The following RBM20 variants were observed in gnomAD, a reference collection of about 807,000 sequenced individuals.
The protein encoded by RBM20 is RNA binding motif protein 20, also known as RNA-binding protein 20.
RBM20 carries 51 observed loss-of-function variants against 110.1 expected under a neutral mutation model. That is an observed-to-expected ratio of 0.46 (90% confidence interval 0.37 to 0.59). RBM20 has a LOEUF of 0.59. Ranked by LOEUF, RBM20 falls within the 20% of genes least tolerant of loss-of-function variation. RBM20 has a pLI of 0.00. For missense variants in RBM20, 1,512 were observed against 1,574.9 expected (o/e 0.96, Z 0.68); for synonymous variants, 589 against 618.2 (o/e 0.95, Z 0.70).
intron 1 of RBM20, among the ~76,000 whole-genome samples, chr10:110,660,422 C>G (rs1042198308): frequency 6.6e-6 from 1 of 152,180 alleles, no homozygotes; most frequent in African/African-American, 2.4e-5. Flanking sequence ...TCCCCAACCC[C>G]CAGGCCATGG....
chr10:110,831,381 A>G (rs1590707360), intron 13 of RBM20, 199 bp downstream of exon 13: 3 of 510,350 alleles, frequency 5.9e-6, no homozygotes, highest in African/African-American at 1.9e-5. Context: ...CTTCCACTAC[A>G]TGGAAAACCC....
At chr10:110,740,447 G>C (rs549815616) in intron 1 of RBM20, among the ~76,000 whole-genome samples, 2 of 152,274 alleles carry the variant, frequency 1.3e-5, no homozygotes, top group Admixed American at 1.3e-4. Flanking sequence ...GTGGGGGCTG[G>C]GAAGAGAAGC....
At chr10:110,818,394 G>C (rs1844868722) in intron 9 of RBM20, among the ~76,000 whole-genome samples, 1 of 152,222 alleles carries the variant, frequency 6.6e-6, no homozygotes, top group South Asian at 2.1e-4. Context: ...AGATTTTGGG[G>C]GAAGGTACAG....
At chr10:110,809,497 C>T (rs915326274) in intron 7 of RBM20, among the ~76,000 whole-genome samples, 4 of 151,964 alleles carry the variant, frequency 2.6e-5, no homozygotes, top group African/African-American at 9.7e-5. Context: ...TTTTAAAAAT[C>T]ATTTATTATT....
intron 1 of RBM20, among the ~76,000 whole-genome samples, chr10:110,752,339 T>A (rs1330532572): frequency 6.6e-6 from 1 of 152,216 alleles, no homozygotes; most frequent in Non-Finnish European, 1.5e-5. Flanking sequence ...GTAATGTGTA[T>A]TTAAGTTTAC....
chr10:110,718,608 C>CTTTTTTTTTTTTTTCTTTTT (rs61629487), intron 1 of RBM20, among the ~76,000 whole-genome samples: 1 of 101,548 alleles, frequency 9.8e-6, no homozygotes, highest in Non-Finnish European at 1.9e-5. Flanking sequence ...CTACTCCATT[C>CTTTTTTTTTTTTTTCTTTTT]TTTTTTTTTT....
At chr10:110,660,359 AG>A (rs1862084531) in intron 1 of RBM20, among the ~76,000 whole-genome samples, 1 of 152,096 alleles carries the variant, frequency 6.6e-6, no homozygotes, top group African/African-American at 2.4e-5. Flanking sequence ...CTTCCCATCC[AG>A]GCTGTCTTAT....
chr10:110,810,149 G>GGATGTGAA (rs1444069712), intron 7 of RBM20, among the ~76,000 whole-genome samples: 3 of 152,084 alleles, frequency 2.0e-5, no homozygotes, highest in African/African-American at 7.2e-5. Context: ...TGAACACCAG[G>GGATGTGAA]CTCCTTCCTT....
intron 5 of RBM20, among the ~76,000 whole-genome samples, chr10:110,785,201 C>T (rs1844405933): frequency 6.6e-6 from 1 of 152,188 alleles, no homozygotes; most frequent in Non-Finnish European, 1.5e-5. Context: ...CAGTATGCAC[C>T]TGACATGCCA....
At chr10:110,801,700 CTTTT>C (rs61281177) in intron 7 of RBM20, among the ~76,000 whole-genome samples, 3 of 116,762 alleles carry the variant, frequency 2.6e-5, no homozygotes, top group African/African-American at 1.0e-4. Flanking sequence ...TGCCTGGCTA[CTTTT>C]TTTTTTTTTT....
chr10:110,781,626 G>A lies in RBM20; in HGVS notation c.1017G>A (p.Trp339Ter), dbSNP rs1260195863. The change falls in exon 2 of 14, where the codon TGG (tryptophan) becomes TGA (stop). Residue 339 changes from tryptophan (W) to a stop codon, truncating the protein, a stop_gained. Transcript: ENST00000369519. LOFTEE classifies it high-confidence loss of function. Reference sequence around the variant, plus strand: ...CTGATCTCACAGCAGGTCCCATGTGGCCTCCACCCCACAACCAGCCCTATG... The same window carrying A: ...CTGATCTCACAGCAGGTCCCATGTGACCTCCACCCCACAACCAGCCCTATG... ...SKPDLTAGPM[W>*]PPPHNQPYEL... 6.5e-7 allele frequency: 1 copy of A among 1,549,994 alleles called. No homozygotes were observed. Among genetic ancestry groups the A allele is most frequent in the African/African-American group, 1.4e-5 (1 of 72,970 alleles).
In RBM20 at chr10:110,644,779, C is replaced by T. The variant is rs1666630586; in HGVS notation, c.191+134C>T. The stretch of plus-strand genomic sequence containing the variant: ...TGGGTTTGAAGTTTTCTCGTACCCC[C>T]TCTGGGCAGAGTCGGTGTCCTTCTG... On this transcript the variant is annotated intron_variant, in intron 1 of 13. Transcript: ENST00000369519. The surrounding 1 kb of genome is among the most constrained non-coding windows in gnomAD (Gnocchi z 4.3). The T allele has an allele frequency of 3.1e-6, 2 of 639,188 alleles. No homozygotes were observed. Among genetic ancestry groups the T allele is most frequent in the Non-Finnish European group, 5.0e-6 (2 of 398,470 alleles). 39.6% of individuals were successfully genotyped at this position (639,188 alleles called of 1,614,324 possible). A position where few individuals can be genotyped will look rare whatever the true frequency, so the allele number is the denominator to read the frequency against.
chr10:110,746,073 C>G (rs562473859), intron 1 of RBM20, among the ~76,000 whole-genome samples: 1 of 152,128 alleles, frequency 6.6e-6, no homozygotes, highest in South Asian at 2.1e-4. Context: ...CTCATCACCA[C>G]GTTTGGTAGC....
chr10:110,677,769 G>A (rs754588297), intron 1 of RBM20, among the ~76,000 whole-genome samples: 32 of 152,158 alleles, frequency 2.1e-4, no homozygotes, highest in Non-Finnish European at 3.7e-4. Flanking sequence ...TGGTGTGTTC[G>A]ATGGGCATGT....
chr10:110,771,349 G>T (rs1255878171), intron 1 of RBM20, among the ~76,000 whole-genome samples: 1 of 152,052 alleles, frequency 6.6e-6, no homozygotes, highest in African/African-American at 2.4e-5. Flanking sequence ...GGCTGGTCTA[G>T]AACTCCTGAC....
chr10:110,801,160 G>T (rs1844617518), intron 7 of RBM20, among the ~76,000 whole-genome samples: 1 of 152,136 alleles, frequency 6.6e-6, no homozygotes, highest in Non-Finnish European at 1.5e-5. Flanking sequence ...CGGGCGTGGT[G>T]GCTCACCCCT....
intron 1 of RBM20, among the ~76,000 whole-genome samples, chr10:110,746,743 G>C (rs549950672): frequency 3.5e-4 from 54 of 152,316 alleles, no homozygotes; most frequent in African/African-American, 1.0e-3. Context: ...TTCTAGAACT[G>C]TTGTGGGAAA....
chr10:110,671,613 T>C (rs1862259238), intron 1 of RBM20, among the ~76,000 whole-genome samples: 1 of 152,156 alleles, frequency 6.6e-6, no homozygotes, highest in South Asian at 2.1e-4. Flanking sequence ...TGAGTATTTG[T>C]ATATTGCTCA....
chr10:110,651,194 C>T (rs1861941264), intron 1 of RBM20, among the ~76,000 whole-genome samples: 1 of 152,236 alleles, frequency 6.6e-6, no homozygotes, highest in African/African-American at 2.4e-5. Flanking sequence ...CCTCCATCTA[C>T]TTCCTCCATC....
Sources: allele counts gnomAD v4.1 joint callset (sites outside exome capture counted in the v4.1 genomes callset), GRCh38; gene constraint gnomAD v4.1.1; non-coding constraint Gnocchi (gnomAD v3.1); transcripts MANE v1.5; gene names NCBI Gene and HGNC (gene_info 2026-07-23, HGNC 2026-07-21).